GABRG3: variants seen among roughly 807,000 people sequenced by gnomAD.
GABRG3 encodes gamma-aminobutyric acid type A receptor subunit gamma3.
GABRG3 carries 25 observed loss-of-function variants against 48.8 expected under a neutral mutation model. The observed-to-expected ratio is 0.51, with a 90% CI of 0.37 to 0.72. The LOEUF (loss-of-function observed/expected upper bound fraction) is 0.72, where lower values mean the gene tolerates loss of function less well. Among genes scored for constraint, GABRG3 ranks in the 30% least tolerant of loss-of-function variants. GABRG3 has a pLI of 0.00. For synonymous variants in GABRG3, 227 were observed against 217.6 expected, an observed-to-expected ratio of 1.04 and a Z score of -0.38; for missense variants, 394 against 577.9, an observed-to-expected ratio of 0.68 and a Z score of 3.26.
chr15:27,097,579 A>G (rs2140762916), intron 3 of GABRG3, among the ~76,000 whole-genome samples: 1 of 151,556 alleles, frequency 6.6e-6, no homozygotes, highest in East Asian at 1.9e-4. Flanking sequence ...TCAGGATTAC[A>G]GCTTTAATTA....
At chr15:27,004,985 G>A (rs1168362898) in intron 2 of GABRG3, among the ~76,000 whole-genome samples, 3 of 152,082 alleles carry the variant, frequency 2.0e-5, no homozygotes, top group South Asian at 4.1e-4. Context: ...GCCTCAGCGG[G>A]GTGACTGGAA....
rs527579240 is a variant in GABRG3, at chr15:27,236,290, C to T, written c.271-90519C>T. On this transcript the variant is annotated intron_variant, in intron 3 of 9. Coordinates refer to ENST00000615808, the MANE Select transcript of GABRG3 (RefSeq NM_033223.5). This position sits in a 1 kb window ranked among gnomAD's most constrained non-coding sequence, Gnocchi z 4.4. ...TCTCCCAGGGTCTACTTGCACAGCA[C>T]TGGAGGGAGACTGAAGAGCAGAGCT... Among the ~76,000 whole-genome samples, 6 of 152,194 alleles carry T rather than the reference C, an allele frequency of 3.9e-5. No homozygotes were observed. The highest frequency in any genetic ancestry group is 1.2e-4 in the African/African-American group (5 of 41,448).
chr15:27,183,609 T>C (rs1239820485), intron 3 of GABRG3, among the ~76,000 whole-genome samples: 1 of 152,248 alleles, frequency 6.6e-6, no homozygotes, highest in African/African-American at 2.4e-5. Context: ...TTCGAATTAT[T>C]TTAAAAAACA....
intron 6 of GABRG3, among the ~76,000 whole-genome samples, chr15:27,511,740 G>A (rs1423397358): frequency 6.6e-6 from 1 of 152,224 alleles, no homozygotes; most frequent in African/African-American, 2.4e-5. Flanking sequence ...ATTTCAAGAG[G>A]ATAAGTGCTA....
intron 3 of GABRG3, among the ~76,000 whole-genome samples, chr15:27,138,929 G>C (rs1898055050): frequency 6.6e-6 from 1 of 152,120 alleles, no homozygotes; most frequent in Admixed American, 6.6e-5. Context: ...CATTTTAGGA[G>C]CTTTTTTCTG....
intron 3 of GABRG3, among the ~76,000 whole-genome samples, chr15:27,155,163 T>C (rs1372997718): frequency 6.6e-6 from 1 of 152,212 alleles, no homozygotes; most frequent in Non-Finnish European, 1.5e-5. Flanking sequence ...TCAATTCTGC[T>C]GCTGAATGCA....
rs1893634712 is a variant in GABRG3 at position 27,326,921 on chromosome 15, TC to T, written c.386del (p.Pro129GlnfsTer35). ...AGCAACATGGTGGGGTTAATCTGGA[TC>T]CCAGACACCATCTTCCGCAATTCTA... is the stretch of plus-strand genomic sequence containing the variant. ...LNSNMVGLIWIPDTIFRNSKT... is the reference protein window; with the variant it reads ...LNSNMVGLIWXPDTIFRNSKT... On this transcript the variant is annotated frameshift_variant, in exon 4 of 10. Transcript: ENST00000615808. LOFTEE classifies it high-confidence loss of function. The T allele has an allele frequency of 1.2e-6, 2 of 1,613,984 alleles. No homozygotes were observed. The highest frequency in any genetic ancestry group is 4.5e-5 in the East Asian group (2 of 44,870).
At chr15:27,037,001 T>C (rs1413794048) in intron 3 of GABRG3, among the ~76,000 whole-genome samples, 3 of 152,072 alleles carry the variant, frequency 2.0e-5, no homozygotes, top group Admixed American at 6.6e-5. Flanking sequence ...TGGAAACGAC[T>C]CACACACTCA....
At chr15:27,469,451 C>T (rs537607010) in intron 5 of GABRG3, among the ~76,000 whole-genome samples, 2 of 152,228 alleles carry the variant, frequency 1.3e-5, no homozygotes, top group East Asian at 1.9e-4. Flanking sequence ...AGCGATTCTC[C>T]GGCCTCAGCC....
chr15:27,459,082 G>A lies in GABRG3; in HGVS notation c.575-21568G>A, dbSNP rs542455274. Among the ~76,000 whole-genome samples, 11 of 151,998 alleles carry A rather than the reference G, an allele frequency of 7.2e-5. No homozygotes were observed. The East Asian group carries it at 9.7e-4, about 13-fold the overall frequency. On this transcript the variant is annotated intron_variant, in intron 5 of 9. Coordinates refer to ENST00000615808, the MANE Select transcript of GABRG3 (RefSeq NM_033223.5). ...ACCTTTCCCCAGAAATACTTCCCCC[G>A]TCAGCATGTGTTTGTGAACCTCAAA...
intron 3 of GABRG3, among the ~76,000 whole-genome samples, chr15:27,316,947 G>T (rs1440754557): frequency 2.0e-5 from 3 of 152,190 alleles, no homozygotes; most frequent in Non-Finnish European, 4.4e-5. Flanking sequence ...GTCTTGTGAG[G>T]TCACGAAGTA....
chr15:27,040,813 GT>G (rs1264511474), intron 3 of GABRG3, among the ~76,000 whole-genome samples: 1 of 151,626 alleles, frequency 6.6e-6, no homozygotes, highest in African/African-American at 2.4e-5. Flanking sequence ...AGCAATTAAG[GT>G]TTAAGCATTG....
intron 2 of GABRG3, among the ~76,000 whole-genome samples, chr15:27,001,986 G>A (rs1305909301): frequency 6.7e-6 from 1 of 150,038 alleles, no homozygotes; most frequent in Non-Finnish European, 1.5e-5. Flanking sequence ...GATAACTACT[G>A]TATGTGTGGT....
At chr15:27,384,536 A>G (rs964106552) in intron 5 of GABRG3, among the ~76,000 whole-genome samples, 1 of 152,228 alleles carries the variant, frequency 6.6e-6, no homozygotes, top group African/African-American at 2.4e-5. Context: ...CGTTGGAGTC[A>G]ATTTAATTGA....
At chr15:27,210,235 C>T (rs1286477639) in intron 3 of GABRG3, among the ~76,000 whole-genome samples, 1 of 152,172 alleles carries the variant, frequency 6.6e-6, no homozygotes, top group Non-Finnish European at 1.5e-5. Context: ...CTCCTCAGCA[C>T]CAAGAACACC....
intron 5 of GABRG3, among the ~76,000 whole-genome samples, chr15:27,349,147 T>C (rs548214664): frequency 1.2e-4 from 19 of 152,248 alleles, no homozygotes; most frequent in African/African-American, 4.3e-4. Context: ...TTCATATGAT[T>C]GGATAATGAT....
intron 2 of GABRG3, among the ~76,000 whole-genome samples, chr15:27,005,056 A>G (rs1442225065): frequency 6.6e-6 from 1 of 152,034 alleles, no homozygotes; most frequent in Non-Finnish European, 1.5e-5. Context: ...ATTTTATTTT[A>G]TTCTATTTTA....
intron 5 of GABRG3, among the ~76,000 whole-genome samples, chr15:27,335,743 C>T (rs1431560439): frequency 2.0e-5 from 3 of 151,986 alleles, no homozygotes; most frequent in South Asian, 4.1e-4. Flanking sequence ...AATAGAGTGG[C>T]GATTGCTGCC....
chr15:27,003,800 T>C (rs868552148), intron 2 of GABRG3, among the ~76,000 whole-genome samples: 97 of 144,438 alleles, frequency 6.7e-4, no homozygotes, highest in Non-Finnish European at 1.2e-3. Context: ...TAGGGGCGGC[T>C]GGGCAGAGGC....
Sources: allele counts gnomAD v4.1 joint callset (sites outside exome capture counted in the v4.1 genomes callset), GRCh38; gene constraint gnomAD v4.1.1; non-coding constraint Gnocchi (gnomAD v3.1); transcripts MANE v1.5; gene names NCBI Gene and HGNC (gene_info 2026-07-23, HGNC 2026-07-21).